The following ADGRB1 variants were observed in gnomAD, a reference collection of about 807,000 sequenced individuals.
ADGRB1 encodes the protein brain-specific angiogenesis inhibitor 1.
ADGRB1 carries 36 observed loss-of-function variants against 175.7 expected under a neutral mutation model. That is an observed-to-expected ratio of 0.20 (90% confidence interval 0.16 to 0.27). ADGRB1 has a LOEUF of 0.27. ADGRB1 is among the 10% of genes least tolerant of loss of function. The probability of loss-of-function intolerance (pLI) is 1.00; values close to 1 mark genes in which losing one functional copy is unlikely to be tolerated. For synonymous variants in ADGRB1, 1,054 were observed against 979.4 expected (o/e 1.08, Z -1.42); for missense variants, 1,731 against 2,255.3 (o/e 0.77, Z 4.71).
At chr8:142,540,429 C>T (rs1845201415) in intron 27 of ADGRB1, among the ~76,000 whole-genome samples, 1 of 152,190 alleles carries the variant, frequency 6.6e-6, no homozygotes, top group South Asian at 2.1e-4. Context: ...CCCCTGATTC[C>T]CTCTCATTCA....
At chr8:142,450,170 G>A (rs910459646) in intron 1 of ADGRB1, 66 bp downstream of exon 1, 1 of 140,262 alleles carries the variant, frequency 7.1e-6, no homozygotes, top group African/African-American at 2.6e-5. Context: ...GTGGGAGGGG[G>A]TCGGGGGAGG....
intron 11 of ADGRB1, among the ~76,000 whole-genome samples, chr8:142,482,744 G>A (rs998684226): frequency 4.6e-5 from 6 of 129,860 alleles, no homozygotes; most frequent in Non-Finnish European, 6.4e-5. Context: ...CTGGTCACAC[G>A]CTGAGCTCTG....
chr8:142,479,353 G>A lies in ADGRB1; in HGVS notation c.1592G>A (p.Trp531Ter). 6.5e-7 allele frequency: 1 copy of A among 1,531,370 alleles called. No individual in the cohort carries two copies. Among genetic ancestry groups the A allele is most frequent in the Non-Finnish European group, 8.8e-7 (1 of 1,142,552 alleles). 94.9% of individuals were successfully genotyped at this position (1,531,370 alleles called of 1,614,324 possible). A position where few individuals can be genotyped will look rare whatever the true frequency, so the allele number is the denominator to read the frequency against. The change falls in exon 8 of 31, where the codon TGG (tryptophan) becomes TAG (stop). Residue 531 changes from tryptophan to a stop codon, truncating the protein, a stop_gained. Coordinates refer to ENST00000517894, the MANE Select transcript of ADGRB1 (RefSeq NM_001702.3). LOFTEE classifies it high-confidence loss of function. ...VDGKWQAWAS[W>*]GSCSVTCGAG... ...GGCAAGTGGCAGGCCTGGGCGTCAT[G>A]GGGCAGTTGCAGCGTCACGTGTGGG...
At chr8:142,539,711 T>A in intron 27 of ADGRB1, 14 of 533,288 alleles carry the variant, frequency 2.6e-5, no homozygotes, top group Admixed American at 3.4e-5. Context: ...CCTGGCTGCG[T>A]CCCCTGCCCA....
At position 142,533,575 on chromosome 8, in the gene ADGRB1, C is replaced by A; in HGVS notation, c.3570+109C>A. 2 of 1,304,214 alleles carry A rather than the reference C, an allele frequency of 1.5e-6. 1 individual carries two copies. 80.8% of individuals were successfully genotyped at this position (1,304,214 alleles called of 1,614,324 possible). A position where few individuals can be genotyped will look rare whatever the true frequency, so the allele number is the denominator to read the frequency against. The stretch of plus-strand genomic sequence containing the variant: ...GCAGGGAGATTGTGGGTAGGCGCAG[C>A]ATCCATGACCCTGACACATCTGCAG... On this transcript the variant is annotated intron_variant, in intron 25 of 30. Coordinates refer to ENST00000517894, the MANE Select transcript of ADGRB1 (RefSeq NM_001702.3).
At chr8:142,484,495 T>G (rs1445425262) in intron 12 of ADGRB1, among the ~76,000 whole-genome samples, 161 bp from the exon 13 acceptor site, 2 of 152,220 alleles carry the variant, frequency 1.3e-5, no homozygotes, top group African/African-American at 2.4e-5. Flanking sequence ...GGGCATCTGC[T>G]TTCTCATCCC....
chr8:142,465,028 CA>C, intron 2 of ADGRB1, 46 bp downstream of exon 2: 1 of 835,312 alleles, frequency 1.2e-6, no homozygotes, highest in Admixed American at 6.4e-5. Flanking sequence ...GGTGGGCAGA[CA>C]GGGGAGGCGG....
intron 7 of ADGRB1, 148 bp downstream of exon 7, chr8:142,478,508 C>T: frequency 1.0e-6 from 1 of 963,246 alleles, no homozygotes; most frequent in Non-Finnish European, 1.5e-6. Flanking sequence ...TCTGGGGTGG[C>T]TGTGGGGGAA....
In ADGRB1 at chr8:142,522,631, C is replaced by T. The variant is rs774769846; in HGVS notation, c.3176-10C>T. On this transcript the variant is annotated splice_polypyrimidine_tract_variant and intron_variant, in intron 21 of 30. Coordinates refer to ENST00000517894, the MANE Select transcript of ADGRB1 (RefSeq NM_001702.3). ...GTGGGGCCAACACCCTCTCTCTGCTCCTTCTCCAGGGCTCCCTGCACTGGT... is the reference window on the plus strand; with the variant it reads ...GTGGGGCCAACACCCTCTCTCTGCTTCTTCTCCAGGGCTCCCTGCACTGGT... 2 of 1,553,594 alleles carry T rather than the reference C, an allele frequency of 1.3e-6. No individual in the cohort carries two copies. The highest frequency in any genetic ancestry group is 4.8e-5 in the East Asian group (2 of 41,674).
chr8:142,535,156 A>C (rs546362704), intron 25 of ADGRB1, among the ~76,000 whole-genome samples: 2 of 152,314 alleles, frequency 1.3e-5, no homozygotes, highest in South Asian at 2.1e-4. Flanking sequence ...GAAATTGGAG[A>C]GATTTCTCAA....
Position 142,521,064 on chromosome 8 carries a change from A to T in ADGRB1, c.3024+139A>T. On this transcript the variant is annotated intron_variant, in intron 20 of 30. Transcript: ENST00000517894. ...GGGGCAGGAGGAGGCTGCCCCAGCT[A>T]CAGGGAGTTCCCTGCCCTCTGCTGT... The T allele has an allele frequency of 2.5e-6, 2 of 786,316 alleles. 1 individual carries two copies. The highest frequency in any genetic ancestry group is 4.0e-6 in the Non-Finnish European group (2 of 497,010). The allele number at this position is 786,316 out of a possible 1,614,324, so 48.7% of individuals were successfully genotyped here. A position where few individuals can be genotyped will look rare whatever the true frequency, so the allele number is the denominator to read the frequency against.
Position 142,518,236 on chromosome 8 carries a change from G to A in ADGRB1, c.2916G>A (p.Val972=). The change falls in exon 19 of 31, where the codon GTG becomes GTA. Residue 972 remains valine, a synonymous_variant. Transcript: ENST00000517894. Reference sequence around the variant, plus strand: ...TGCTGGTCATCATCTACGTGTCCGTGTGGAGGTGGGTGCCGCCCAGGTGCT... The same window carrying A: ...TGCTGGTCATCATCTACGTGTCCGTATGGAGGTGGGTGCCGCCCAGGTGCT... ...LLMLVIIYVS[V]WRYIRSERSV... The A allele has an allele frequency of 6.2e-7, 1 of 1,613,580 alleles. No individual in the cohort carries two copies. Among genetic ancestry groups the A allele is most frequent in the Non-Finnish European group, 8.5e-7 (1 of 1,179,762 alleles).
intron 24 of ADGRB1, among the ~76,000 whole-genome samples, chr8:142,532,289 T>C (rs1026273256): frequency 2.6e-5 from 4 of 152,176 alleles, no homozygotes; most frequent in Admixed American, 1.3e-4. Context: ...CTGTCTGTGT[T>C]CCACAGCCCC....
intron 11 of ADGRB1, among the ~76,000 whole-genome samples, chr8:142,482,935 A>G (rs1314772239): frequency 7.1e-6 from 1 of 141,068 alleles, no homozygotes; most frequent in Non-Finnish European, 1.5e-5. Context: ...CTGAGCCCTG[A>G]TCCTGATCAT....
At chr8:142,462,627 C>G (rs1234002540) in intron 1 of ADGRB1, among the ~76,000 whole-genome samples, 1 of 152,250 alleles carries the variant, frequency 6.6e-6, no homozygotes. Flanking sequence ...CTTGTCTTGC[C>G]AGCCAGCTGG....
chr8:142,478,253 A>T lies in ADGRB1; in HGVS notation c.1454A>T (p.Gln485Leu). 1 of 1,609,476 alleles carries T rather than the reference A, an allele frequency of 6.2e-7. No individual in the cohort carries two copies. Among genetic ancestry groups the T allele is most frequent in the Non-Finnish European group, 8.5e-7 (1 of 1,178,558 alleles). The change falls in exon 7 of 31, where the codon CAG (glutamine) becomes CTG (leucine). Residue 485 changes from glutamine (Q) to leucine (L), a missense_variant. Physicochemically the swap from Gln to Leu is moderately radical, Grantham distance 113. Around this residue, in one of 8 missense-constraint regions of ADGRB1, gnomAD observed 388 missense variants for 630.9 expected, o/e 0.61. Coordinates refer to ENST00000517894, the MANE Select transcript of ADGRB1 (RefSeq NM_001702.3). ...SWSACSASCS[Q>L]GRQQRTRECN... ...AGCGCCTGCTCCGCCAGCTGCTCCC[A>T]GGGCCGACAGCAGCGCACGCGTGAA...
intron 17 of ADGRB1, among the ~76,000 whole-genome samples, chr8:142,491,335 C>A (rs1841971878): frequency 6.6e-6 from 1 of 152,242 alleles, no homozygotes; most frequent in African/African-American, 2.4e-5. Context: ...GGCCCAGGCG[C>A]TGTGGCACAG....
Position 142,533,360 on chromosome 8 carries a change from T to C in ADGRB1, c.3464T>C (p.Leu1155Pro). The C allele has an allele frequency of 6.2e-7, 1 of 1,601,306 alleles. No homozygotes were observed. Among genetic ancestry groups the C allele is most frequent in the Non-Finnish European group, 8.5e-7 (1 of 1,175,840 alleles). ...LLALTWMSAV[L>P]AVTDRRSALF... ...GCGCTGACCTGGATGTCGGCTGTGC[T>C]CGCCGTCACCGACCGCCGCTCCGCC... Residue 1155 changes from leucine to proline, a missense_variant, in exon 25 of 31, where the codon CTC becomes CCC. By Grantham distance (98) the Leu-to-Pro change is moderately conservative. Around this residue, in one of 8 missense-constraint regions of ADGRB1, gnomAD observed 301 missense variants for 488.4 expected, o/e 0.62. Transcript: ENST00000517894.
chr8:142,518,910 C>T (rs1050762041), intron 19 of ADGRB1, among the ~76,000 whole-genome samples: 2 of 152,232 alleles, frequency 1.3e-5, no homozygotes, highest in African/African-American at 2.4e-5. Flanking sequence ...CACGTGGCTC[C>T]GGCTCTGCAG....
Sources: allele counts gnomAD v4.1 joint callset (sites outside exome capture counted in the v4.1 genomes callset), GRCh38; gene constraint gnomAD v4.1.1; regional missense constraint gnomAD v4.1.1; transcripts MANE v1.5; gene names NCBI Gene and HGNC (gene_info 2026-07-23, HGNC 2026-07-21).